Variants in RAB27B observed in about 807,000 individuals in gnomAD.
RAB27B encodes RAB27B, member RAS oncogene family, also known as ras-related protein Rab-27B.
RAB27B carries 15 observed loss-of-function variants against 24.6 expected under a neutral mutation model. The observed-to-expected ratio is 0.61, with a 90% CI of 0.41 to 0.94. The LOEUF (loss-of-function observed/expected upper bound fraction) is 0.94, where lower values mean the gene tolerates loss of function less well. Among genes scored for constraint, RAB27B ranks in the 40% least tolerant of loss-of-function variants. The pLI, the probability that RAB27B is intolerant of heterozygous loss-of-function variation, is 0.00. For missense variants in RAB27B, 261 were observed against 266.8 expected (o/e 0.98, Z 0.15); for synonymous variants, 105 against 92.5 (o/e 1.14, Z -0.78).
At chr18:54,831,105 A>G (rs1910656996) in intron 1 of RAB27B, among the ~76,000 whole-genome samples, 1 of 152,168 alleles carries the variant, frequency 6.6e-6, no homozygotes, top group South Asian at 2.1e-4. Flanking sequence ...CACAGTAGCA[A>G]GAAGTGCTCA....
At chr18:54,765,554 T>G (rs564789897) in intron 2 of RAB27B, among the ~76,000 whole-genome samples, 1 of 152,284 alleles carries the variant, frequency 6.6e-6, no homozygotes, top group South Asian at 2.1e-4. Flanking sequence ...AAGCTCAAAT[T>G]GAAAATCCCA....
chr18:54,785,436 GTTTTTTTTTT>G (rs59750951), intron 2 of RAB27B, among the ~76,000 whole-genome samples: 1 of 101,698 alleles, frequency 9.8e-6, no homozygotes, highest in Non-Finnish European at 1.8e-5. Flanking sequence ...CCTTCCTCAG[GTTTTTTTTTT>G]TTTTTTTTTT....
At chr18:54,824,658 G>C (rs1161293171), upstream of RAB27B, among the ~76,000 whole-genome samples, 1 of 152,156 alleles carries the variant, frequency 6.6e-6, no homozygotes, top group Non-Finnish European at 1.5e-5. Flanking sequence ...CACAATCCAT[G>C]AACCAGACCT....
intron 2 of RAB27B, among the ~76,000 whole-genome samples, chr18:54,783,989 G>A (rs1389287787): frequency 6.6e-6 from 1 of 152,172 alleles, no homozygotes; most frequent in Non-Finnish European, 1.5e-5. Context: ...CTCCCATATA[G>A]AAATATGAGA....
intron 2 of RAB27B, among the ~76,000 whole-genome samples, chr18:54,789,778 C>T (rs1909193419): frequency 6.6e-6 from 1 of 152,172 alleles, no homozygotes; most frequent in Middle Eastern, 3.4e-3. Context: ...CTTCTTCATC[C>T]TTCCTATTTC....
At chr18:54,720,330 T>C (rs936558692) in intron 2 of RAB27B, among the ~76,000 whole-genome samples, 8 of 152,108 alleles carry the variant, frequency 5.3e-5, no homozygotes, top group African/African-American at 1.9e-4. Flanking sequence ...ATTTACTTGG[T>C]AGTGTTAAGG....
intron 2 of RAB27B, among the ~76,000 whole-genome samples, chr18:54,823,191 G>A (rs1024865845): frequency 1.6e-4 from 24 of 152,222 alleles, no homozygotes; most frequent in African/African-American, 5.8e-4. Flanking sequence ...TATTCGTTGT[G>A]AAGAAAACTA....
intron 2 of RAB27B, among the ~76,000 whole-genome samples, chr18:54,791,031 A>G (rs1909230550): frequency 6.6e-6 from 1 of 152,212 alleles, no homozygotes; most frequent in Non-Finnish European, 1.5e-5. Context: ...TAAAAGTAGA[A>G]TTTTGAAAAC....
At chr18:54,834,673 G>GCA in intron 1 of RAB27B, among the ~76,000 whole-genome samples, 1 of 141,864 alleles carries the variant, frequency 7.0e-6, no homozygotes, top group South Asian at 2.2e-4. Context: ...GTGCATAAGT[G>GCA]TATATATATG....
chr18:54,869,013 C>G (rs761110669), intron 1 of RAB27B, among the ~76,000 whole-genome samples: 8 of 152,176 alleles, frequency 5.3e-5, no homozygotes, highest in Non-Finnish European at 1.2e-4. Context: ...ATTTTCTCAT[C>G]TGAAGACAAA....
intron 2 of RAB27B, among the ~76,000 whole-genome samples, chr18:54,720,665 A>G (rs1909331058): frequency 6.6e-6 from 1 of 152,120 alleles, no homozygotes; most frequent in African/African-American, 2.4e-5. Flanking sequence ...GAGCATCTGT[A>G]TAAGTAAGAA....
intron 2 of RAB27B, among the ~76,000 whole-genome samples, chr18:54,747,159 C>G (rs185707331): frequency 7.9e-5 from 12 of 152,226 alleles, no homozygotes; most frequent in African/African-American, 2.6e-4. Context: ...GGACCTCCTC[C>G]CCACAATCTC....
intron 3 of RAB27B, among the ~76,000 whole-genome samples, chr18:54,883,287 C>T (rs1003095015): frequency 2.0e-5 from 3 of 151,828 alleles, no homozygotes; most frequent in Admixed American, 6.6e-5. Context: ...AAATGAGCCA[C>T]GGAAGTGGAT....
chr18:54,867,442 C>CTTTTCTTTCT (rs1555666326), intron 1 of RAB27B, among the ~76,000 whole-genome samples: 3 of 98,752 alleles, frequency 3.0e-5, no homozygotes, highest in Non-Finnish European at 6.0e-5. Flanking sequence ...CTTTTCTTTT[C>CTTTTCTTTCT]TTTTTTTTTT....
chr18:54,780,089 T>C (rs1908854165), intron 2 of RAB27B, among the ~76,000 whole-genome samples: 1 of 118,406 alleles, frequency 8.4e-6, no homozygotes. Flanking sequence ...TCTCCGCCCG[T>C]CCTGACAGCT....
At chr18:54,856,222 A>G (rs1383598961) in intron 1 of RAB27B, among the ~76,000 whole-genome samples, 1 of 152,238 alleles carries the variant, frequency 6.6e-6, no homozygotes, top group Non-Finnish European at 1.5e-5. Context: ...CTGAATGACA[A>G]TTAGAAGTCA....
At chr18:54,854,171 G>A (rs149719814) in intron 1 of RAB27B, among the ~76,000 whole-genome samples, 386 of 152,274 alleles carry the variant, frequency 2.5e-3, no homozygotes, top group Middle Eastern at 0.02. Flanking sequence ...AACGTGGGCT[G>A]AGACCAGTTA....
At chr18:54,781,299 T>G (rs1214661201) in intron 2 of RAB27B, among the ~76,000 whole-genome samples, 1 of 152,032 alleles carries the variant, frequency 6.6e-6, no homozygotes, top group East Asian at 1.9e-4. Flanking sequence ...CGGTTTTCTC[T>G]GACAACTGGA....
At chr18:54,792,435 C>T (rs910623884) in intron 2 of RAB27B, among the ~76,000 whole-genome samples, 7 of 152,292 alleles carry the variant, frequency 4.6e-5, no homozygotes, top group East Asian at 3.9e-4. Flanking sequence ...GTGTGCCACG[C>T]GCCTTAGTCT....
Sources: gnomAD v4.1 joint callset for allele counts (sites outside exome capture counted in the v4.1 genomes callset) on GRCh38, gnomAD v4.1.1 for gene constraint, MANE v1.5 for transcripts, NCBI Gene and HGNC (gene_info 2026-07-23, HGNC 2026-07-21) for gene names.